PTPRT: variants seen among roughly 807,000 people sequenced by gnomAD.
PTPRT encodes protein tyrosine phosphatase receptor type T.
A neutral mutation model predicts 176.8 loss-of-function variants in PTPRT; 56 were observed. The ratio of observed to expected loss-of-function variants is 0.32; its 90% confidence interval spans 0.26 to 0.40. PTPRT has a LOEUF of 0.40. Among genes scored for constraint, PTPRT ranks in the 10% least tolerant of loss-of-function variants. The probability of loss-of-function intolerance (pLI) is 1.00; values close to 1 mark genes in which losing one functional copy is unlikely to be tolerated. For missense variants in PTPRT, 1,540 were observed against 1,908.2 expected (o/e 0.81, Z 3.60); for synonymous variants, 783 against 739.0 (o/e 1.06, Z -0.96).
chr20:42,953,893 C>G (rs1482270213), intron 1 of PTPRT, among the ~76,000 whole-genome samples: 3 of 152,128 alleles, frequency 2.0e-5, no homozygotes, highest in South Asian at 2.1e-4. Context: ...CATTAGTACC[C>G]CTTTCAGTCG....
chr20:42,851,391 T>A (rs2078466834), intron 2 of PTPRT, among the ~76,000 whole-genome samples: 1 of 152,184 alleles, frequency 6.6e-6, no homozygotes, highest in South Asian at 2.1e-4. Flanking sequence ...TTATTAACTC[T>A]AATCTTACTC....
chr20:42,179,530 G>A (rs1425799493), intron 16 of PTPRT, among the ~76,000 whole-genome samples: 1 of 152,148 alleles, frequency 6.6e-6, no homozygotes, highest in Non-Finnish European at 1.5e-5. Context: ...GCCAATTCCA[G>A]TAATAAAACG....
At chr20:43,154,456 G>A (rs966321410) in intron 1 of PTPRT, among the ~76,000 whole-genome samples, 7 of 152,190 alleles carry the variant, frequency 4.6e-5, no homozygotes, top group Non-Finnish European at 8.8e-5. Flanking sequence ...GTAGTGTGAT[G>A]CCTCCAGCTT....
intron 8 of PTPRT, among the ~76,000 whole-genome samples, chr20:42,459,640 C>T (rs2070984233): frequency 6.6e-6 from 1 of 152,156 alleles, no homozygotes; most frequent in Admixed American, 6.5e-5. Context: ...AAGACTGCTG[C>T]TTTGTACAAA....
intron 3 of PTPRT, among the ~76,000 whole-genome samples, chr20:42,786,107 G>T (rs1019236093): frequency 6.6e-6 from 1 of 152,160 alleles, no homozygotes; most frequent in Non-Finnish European, 1.5e-5. Context: ...CTTCCACCAT[G>T]TAAGATGTGC....
Position 42,617,963 on chromosome 20 carries a change from A to G in PTPRT, c.1153+59903T>C, listed in dbSNP as rs1263849131. On this transcript the variant is annotated intron_variant, in intron 7 of 30. Transcript: ENST00000373187. ...CTTCAGTTCTGCTCTGATTTTAGTT[A>G]TTTCTTGCCTTCTGCTAGCTTTTGA... Among the ~76,000 whole-genome samples the G allele has an allele frequency of 1.0e-4, 14 of 135,974 alleles. 3 individuals carry two copies. The highest frequency in any genetic ancestry group is 4.6e-4 in the African/African-American group (14 of 30,746). The allele number at this position is 135,974 out of a possible 152,430, so 89.2% of individuals were successfully genotyped here. A position where few individuals can be genotyped will look rare whatever the true frequency, so the allele number is the denominator to read the frequency against.
intron 9 of PTPRT, among the ~76,000 whole-genome samples, chr20:42,357,625 G>A (rs1455387966): frequency 6.6e-6 from 1 of 152,172 alleles, no homozygotes; most frequent in Non-Finnish European, 1.5e-5. Context: ...TTTGGCTTCT[G>A]TATCAAGGCG....
At chr20:42,879,748 TGTGTGTGTGC>T (rs1456614280) in intron 2 of PTPRT, among the ~76,000 whole-genome samples, 5 of 151,462 alleles carry the variant, frequency 3.3e-5, no homozygotes, top group African/African-American at 7.3e-5. Flanking sequence ...TGTGTGTGTG[TGTGTGTGTGC>T]GCGTGTGTGT....
At chr20:42,123,254 G>T (rs1401504636) in intron 19 of PTPRT, among the ~76,000 whole-genome samples, 1 of 152,218 alleles carries the variant, frequency 6.6e-6, no homozygotes, top group Non-Finnish European at 1.5e-5. Context: ...TTGAGCAAGA[G>T]ATTCACATTT....
chr20:42,315,611 G>GC (rs1264017338), intron 12 of PTPRT, 112 bp downstream of exon 12: 1 of 1,258,508 alleles, frequency 7.9e-7, no homozygotes, highest in African/African-American at 1.5e-5. Flanking sequence ...GGTAGGATTT[G>GC]CCCCACGGGC....
chr20:42,796,205 A>G (rs952775227), intron 2 of PTPRT, among the ~76,000 whole-genome samples: 1 of 152,256 alleles, frequency 6.6e-6, no homozygotes, highest in Non-Finnish European at 1.5e-5. Flanking sequence ...TAATAACGCC[A>G]TATGCCTATT....
chr20:42,232,514 A>G (rs2056154017), intron 15 of PTPRT, among the ~76,000 whole-genome samples: 1 of 152,108 alleles, frequency 6.6e-6, no homozygotes, highest in Non-Finnish European at 1.5e-5. Context: ...TGAGGCTTCA[A>G]GGCTCCCCCT....
At chr20:42,768,145 C>A (rs1600716443) in intron 5 of PTPRT, among the ~76,000 whole-genome samples, 4 of 152,074 alleles carry the variant, frequency 2.6e-5, no homozygotes, top group Admixed American at 2.6e-4. Context: ...CTGTGTACCT[C>A]CCAATATTTT....
At chr20:42,292,415 C>T (rs1263740039) in intron 12 of PTPRT, among the ~76,000 whole-genome samples, 2 of 152,148 alleles carry the variant, frequency 1.3e-5, no homozygotes, top group South Asian at 2.1e-4. Flanking sequence ...TCATTGCAAC[C>T]TCTGCCTCTT....
At chr20:43,038,542 A>T (rs890864271) in intron 1 of PTPRT, among the ~76,000 whole-genome samples, 2 of 152,238 alleles carry the variant, frequency 1.3e-5, no homozygotes, top group Non-Finnish European at 2.9e-5. Context: ...GAGCATTATA[A>T]TTAAATCAGA....
At chr20:42,505,287 T>C (rs2071824112) in intron 7 of PTPRT, among the ~76,000 whole-genome samples, 1 of 152,142 alleles carries the variant, frequency 6.6e-6, no homozygotes, top group African/African-American at 2.4e-5. Flanking sequence ...AGTTCAGAGC[T>C]ACTCCTGTCT....
rs1185471731 is a variant in PTPRT at position 42,993,538 on chromosome 20, G to C, written c.89-107606C>G. 1.5e-5 allele frequency among the ~76,000 whole-genome samples: 2 copies of C among 134,636 alleles called. 1 individual carries two copies. Among genetic ancestry groups the C allele is most frequent in the African/African-American group, 6.3e-5 (2 of 31,734 alleles). The allele number at this position is 134,636 out of a possible 152,430, so 88.3% of individuals were successfully genotyped here. ...TGTGTATATATATACACATATATGT[G>C]TGTGTATATATATACACATATATGT... On this transcript the variant is annotated intron_variant, in intron 1 of 30. Coordinates refer to ENST00000373187, the MANE Select transcript of PTPRT (RefSeq NM_007050.6).
intron 1 of PTPRT, among the ~76,000 whole-genome samples, chr20:43,140,705 T>C (rs898618928): frequency 1.2e-4 from 18 of 152,300 alleles, no homozygotes; most frequent in Middle Eastern, 3.4e-3. Flanking sequence ...AATGCCCCCA[T>C]TCAGTGTTTC....
intron 16 of PTPRT, among the ~76,000 whole-genome samples, chr20:42,195,329 C>T (rs1361373914): frequency 6.6e-6 from 1 of 152,186 alleles, no homozygotes; most frequent in Non-Finnish European, 1.5e-5. Flanking sequence ...GCTGCCTCAA[C>T]ATTTGTACAT....
Sources: allele counts gnomAD v4.1 joint callset (sites outside exome capture counted in the v4.1 genomes callset), GRCh38; gene constraint gnomAD v4.1.1; transcripts MANE v1.5; gene names NCBI Gene and HGNC (gene_info 2026-07-23, HGNC 2026-07-21).